SUMF1: variants seen among roughly 807,000 people sequenced by gnomAD.
SUMF1 encodes the protein formylglycine-generating enzyme.
Under a neutral mutation model 47.6 loss-of-function variants are expected in SUMF1, and 48 were observed. The ratio of observed to expected loss-of-function variants is 1.01; its 90% CI spans 0.80 to 1.28. SUMF1 has a LOEUF of 1.28. SUMF1 is among the 50% of genes most tolerant of loss of function. The pLI, the probability that SUMF1 is intolerant of heterozygous loss-of-function variation, is 0.00. For synonymous variants in SUMF1, 230 were observed against 192.1 expected, an observed-to-expected ratio of 1.20 and a Z score of -1.63; for missense variants, 571 against 485.4, an observed-to-expected ratio of 1.18 and a Z score of -1.66.
intron 8 of SUMF1, among the ~76,000 whole-genome samples, chr3:4,170,921 C>A (rs1462739117): frequency 6.6e-6 from 1 of 152,112 alleles, no homozygotes; most frequent in Non-Finnish European, 1.5e-5. Context: ...GCATGAACTA[C>A]ATGTCAACAT....
At chr3:4,038,954 C>A (rs905113793) in intron 9 of SUMF1, among the ~76,000 whole-genome samples, 2 of 152,112 alleles carry the variant, frequency 1.3e-5, no homozygotes, top group African/African-American at 2.4e-5. Context: ...TACTAACTCA[C>A]AATTAAGACA....
rs1459261292 is a variant in SUMF1 at position 4,303,754 on chromosome 3, C to T, written c.1014+72576G>A. On this transcript the variant is annotated intron_variant and NMD_transcript_variant, in intron 8 of 12. Transcript: ENST00000448413. ...GTCCTTTTCAGTCCATTCCCTGAAGCGCAGAACCGGAGGCCTTGTGAGAAC... is the reference window on the plus strand; with the variant it reads ...GTCCTTTTCAGTCCATTCCCTGAAGTGCAGAACCGGAGGCCTTGTGAGAAC... 6 of 1,476,928 alleles carry T rather than the reference C, an allele frequency of 4.1e-6. No homozygotes were observed. In the East Asian group the frequency reaches 8.9e-5, roughly 22 times the overall value. The allele number at this position is 1,476,928 out of a possible 1,614,324, so 91.5% of individuals were successfully genotyped here.
At chr3:4,121,697 T>C (rs1693548541) in intron 8 of SUMF1, among the ~76,000 whole-genome samples, 1 of 152,184 alleles carries the variant, frequency 6.6e-6, no homozygotes, top group African/African-American at 2.4e-5. Context: ...TATATATGCA[T>C]GTTCATAGCA....
chr3:4,397,478 A>G (rs1701075716), intron 7 of SUMF1, among the ~76,000 whole-genome samples: 1 of 152,222 alleles, frequency 6.6e-6, no homozygotes, highest in Admixed American at 6.5e-5. Flanking sequence ...TATTCTCACA[A>G]TCTTCTGTGT....
chr3:4,270,175 C>T (rs1697275283), intron 8 of SUMF1, among the ~76,000 whole-genome samples: 1 of 152,076 alleles, frequency 6.6e-6, no homozygotes, highest in African/African-American at 2.4e-5. Context: ...ATTGATGATA[C>T]ACTGATGCTG....
intron 8 of SUMF1, among the ~76,000 whole-genome samples, chr3:4,282,898 T>C (rs956162382): frequency 4.6e-5 from 7 of 152,198 alleles, no homozygotes; most frequent in Admixed American, 3.9e-4. Flanking sequence ...ATTATTTTTT[T>C]ATTGGAAATG....
chr3:4,463,229 C>T (rs1402121327), intron 1 of SUMF1, among the ~76,000 whole-genome samples: 1 of 152,204 alleles, frequency 6.6e-6, no homozygotes, highest in African/African-American at 2.4e-5. Flanking sequence ...CGGTGGCTCA[C>T]GCCTGTAATC....
intron 8 of SUMF1, among the ~76,000 whole-genome samples, chr3:4,111,285 A>G (rs1161067355): frequency 6.6e-6 from 1 of 152,092 alleles, no homozygotes; most frequent in Non-Finnish European, 1.5e-5. Flanking sequence ...TGATTGGTTG[A>G]AAAAGGTCCA....
rs145932104 is a variant in SUMF1, at chr3:4,161,234, C to A, written c.1015-92489G>T. Among the ~76,000 whole-genome samples the A allele has an allele frequency of 2.7e-3, 416 of 152,260 alleles. 2 individuals are homozygous for A. The highest frequency in any genetic ancestry group is 5.1e-3 in the Non-Finnish European group (346 of 68,008). ...GAGCTAGGGGAGGGTGACACAAGCA[C>A]CCCTGTGGGTACCAACACTGAAACT... On this transcript the variant is annotated intron_variant and NMD_transcript_variant, in intron 8 of 12. Coordinates refer to the SUMF1 transcript ENST00000448413.
intron 7 of SUMF1, among the ~76,000 whole-genome samples, chr3:4,389,859 A>G (rs1221932262): frequency 6.6e-6 from 1 of 151,868 alleles, no homozygotes; most frequent in Non-Finnish European, 1.5e-5. Flanking sequence ...CAATTTTTTC[A>G]TTTGTTTCAA....
At chr3:4,239,275 T>C (rs1159612645) in intron 8 of SUMF1, among the ~76,000 whole-genome samples, 1 of 152,174 alleles carries the variant, frequency 6.6e-6, no homozygotes, top group Non-Finnish European at 1.5e-5. Context: ...TTTGGTTCCA[T>C]GTGAAATTTA....
At chr3:4,252,044 C>A (rs1050330429) in intron 8 of SUMF1, among the ~76,000 whole-genome samples, 1 of 152,214 alleles carries the variant, frequency 6.6e-6, no homozygotes. Context: ...CCTGCAATAT[C>A]TGCAAGGTAT....
chr3:4,458,527 T>C (rs2079724931), intron 1 of SUMF1, among the ~76,000 whole-genome samples: 1 of 152,038 alleles, frequency 6.6e-6, no homozygotes, highest in Non-Finnish European at 1.5e-5. Context: ...TATATATACA[T>C]ATATATATAA....
chr3:4,368,282 A>G (rs1226909675), intron 8 of SUMF1, among the ~76,000 whole-genome samples: 2 of 152,212 alleles, frequency 1.3e-5, no homozygotes, highest in East Asian at 1.9e-4. Context: ...CAAAACCACA[A>G]TGAGATATCA....
chr3:4,371,676 A>G (rs769343284), intron 8 of SUMF1, among the ~76,000 whole-genome samples: 1 of 152,202 alleles, frequency 6.6e-6, no homozygotes, highest in Non-Finnish European at 1.5e-5. Flanking sequence ...CAACATCAAC[A>G]ACAATGAGTA....
downstream of SUMF1, among the ~76,000 whole-genome samples, chr3:4,356,241 T>G (rs1029626817): frequency 2.6e-5 from 4 of 152,234 alleles, no homozygotes; most frequent in Admixed American, 6.5e-5. Context: ...TAGGGTGGTT[T>G]GTATCCAGAG....
chr3:4,215,007 A>G (rs968557134), intron 8 of SUMF1, among the ~76,000 whole-genome samples: 4 of 152,314 alleles, frequency 2.6e-5, no homozygotes, highest in South Asian at 2.1e-4. Flanking sequence ...CAATGATTTC[A>G]AACAATAGAA....
chr3:4,136,040 G>A (rs2125091677), intron 8 of SUMF1, among the ~76,000 whole-genome samples: 1 of 152,124 alleles, frequency 6.6e-6, no homozygotes, highest in Admixed American at 6.5e-5. Context: ...TGTGAAAATG[G>A]CCATACTGCC....
chr3:4,343,021 C>T (rs1209259581), intron 8 of SUMF1, among the ~76,000 whole-genome samples: 1 of 152,208 alleles, frequency 6.6e-6, no homozygotes, highest in Non-Finnish European at 1.5e-5. Flanking sequence ...ATATAATCTC[C>T]AGTCTCAGTT....
Sources: gnomAD v4.1 joint callset for allele counts (sites outside exome capture counted in the v4.1 genomes callset) on GRCh38, gnomAD v4.1.1 for gene constraint, MANE v1.5 for transcripts, NCBI Gene and HGNC (gene_info 2026-07-23, HGNC 2026-07-21) for gene names.